Variants in CACNA1E observed in about 807,000 individuals in gnomAD.
CACNA1E encodes calcium voltage-gated channel subunit alpha1 E.
A neutral mutation model predicts 259.2 loss-of-function variants in CACNA1E; 40 were observed. The observed-to-expected ratio is 0.15, with a 90% confidence interval of 0.12 to 0.20. The LOEUF (loss-of-function observed/expected upper bound fraction) is 0.20. CACNA1E is among the 10% of genes least tolerant of loss of function. The probability of loss-of-function intolerance (pLI) is 1.00; values close to 1 mark genes in which losing one functional copy is unlikely to be tolerated. For synonymous variants in CACNA1E, 1,104 were observed against 1,138.5 expected (o/e 0.97, Z 0.61); for missense variants, 1,874 against 3,040.1 (o/e 0.62, Z 9.02).
intron 3 of CACNA1E, among the ~76,000 whole-genome samples, chr1:181,565,568 C>T (rs996238718): frequency 6.6e-6 from 1 of 152,226 alleles, no homozygotes; most frequent in Non-Finnish European, 1.5e-5. Flanking sequence ...CTTCCTGCCC[C>T]TGATCCTGTT....
At chr1:181,338,295 A>G (rs1334248409) in intron 1 of CACNA1E, among the ~76,000 whole-genome samples, 1 of 152,184 alleles carries the variant, frequency 6.6e-6, no homozygotes, top group Non-Finnish European at 1.5e-5. Context: ...CATGTTGGCC[A>G]GGCTGGTCTT....
chr1:181,448,415 G>A (rs762452464), intron 2 of CACNA1E, among the ~76,000 whole-genome samples: 2 of 152,198 alleles, frequency 1.3e-5, no homozygotes, highest in Non-Finnish European at 2.9e-5. Context: ...GCTAGTAAAC[G>A]TAGGAGTCAG....
chr1:181,620,181 G>A (rs1332044096), intron 6 of CACNA1E, among the ~76,000 whole-genome samples: 1 of 152,102 alleles, frequency 6.6e-6, no homozygotes, highest in African/African-American at 2.4e-5. Context: ...ATCCAAGATA[G>A]CCATGTAGAG....
At chr1:181,625,942 A>G (rs1656155634) in intron 6 of CACNA1E, among the ~76,000 whole-genome samples, 1 of 152,160 alleles carries the variant, frequency 6.6e-6, no homozygotes, top group Non-Finnish European at 1.5e-5. Context: ...TTTTAGGGTT[A>G]TTAACTGGCC....
At chr1:181,487,402 A>G (rs1231086937) in intron 1 of CACNA1E, among the ~76,000 whole-genome samples, 1 of 152,160 alleles carries the variant, frequency 6.6e-6, no homozygotes, top group Non-Finnish European at 1.5e-5. Flanking sequence ...AGAAATGCTC[A>G]AGATAACCCA....
intron 1 of CACNA1E, among the ~76,000 whole-genome samples, chr1:181,354,002 C>T (rs967335454): frequency 6.6e-6 from 1 of 152,212 alleles, no homozygotes; most frequent in African/African-American, 2.4e-5. Context: ...ACAGCCACTT[C>T]TCTGAGTGTG....
chr1:181,373,448 GT>G (rs934142811), intron 1 of CACNA1E, among the ~76,000 whole-genome samples: 2 of 151,440 alleles, frequency 1.3e-5, no homozygotes, highest in Non-Finnish European at 2.9e-5. Flanking sequence ...TCTCTGATGG[GT>G]TTTTTGTATT....
Position 181,711,039 on chromosome 1 carries a change from A to T in CACNA1E, c.1141A>T (p.Asn381Tyr). 6.2e-7 allele frequency: 1 copy of T among 1,613,832 alleles called. No homozygotes were observed. The highest frequency in any genetic ancestry group is 8.5e-7 in the Non-Finnish European group (1 of 1,179,770). The change falls in exon 8 of 48, where the codon AAT becomes TAT. Residue 381 changes from asparagine (N) to tyrosine (Y), a missense_variant. Asn to Tyr is a moderately radical substitution (Grantham distance 143). Around this residue, in one of 14 missense-constraint regions of CACNA1E, gnomAD observed 157 missense variants for 203.5 expected, o/e 0.77. Coordinates refer to ENST00000367573, the MANE Select transcript of CACNA1E (RefSeq NM_001205293.3). ...CCAGCAGCAGATTGAGCGTGAGCTG[A>T]ATGGCTACCGTGCCTGGATAGACAA... Reference protein sequence around the residue: ...RRQQQIERELNGYRAWIDKAE... With the variant: ...RRQQQIERELYGYRAWIDKAE...
In CACNA1E at chr1:181,401,488, C is replaced by T. The variant is rs1252033193; in HGVS notation, c.-14-11645C>T. Among the ~76,000 whole-genome samples the T allele has an allele frequency of 2.6e-5, 4 of 152,030 alleles. No individual in the cohort carries two copies. In the East Asian group the frequency reaches 7.7e-4, roughly 29 times the overall value. On this transcript the variant is annotated intron_variant, in intron 1 of 11. Coordinates refer to the CACNA1E transcript ENST00000524607. ...TGGGCAAGTAATAGGTGCTTATTGTCAATGTATTGAATAAGTAAATGGTTG... is the reference window on the plus strand; with the variant it reads ...TGGGCAAGTAATAGGTGCTTATTGTTAATGTATTGAATAAGTAAATGGTTG...
intron 39 of CACNA1E, among the ~76,000 whole-genome samples, chr1:181,781,862 T>C (rs1375064007): frequency 6.6e-6 from 1 of 152,170 alleles, no homozygotes; most frequent in Non-Finnish European, 1.5e-5. Flanking sequence ...TGGGATGGCA[T>C]ATATGGGCAA....
At chr1:181,705,149 C>T (rs1308007996) in intron 7 of CACNA1E, among the ~76,000 whole-genome samples, 4 of 152,338 alleles carry the variant, frequency 2.6e-5, no homozygotes, top group South Asian at 2.1e-4. Context: ...GTAGCAGTGG[C>T]TCCTTATAGG....
chr1:181,676,233 A>T (rs1649363218), intron 7 of CACNA1E, among the ~76,000 whole-genome samples: 1 of 152,150 alleles, frequency 6.6e-6, no homozygotes, highest in Non-Finnish European at 1.5e-5. Flanking sequence ...ACCATACTCA[A>T]ATTGGAAATG....
intron 11 of CACNA1E, 124 bp from the exon 12 acceptor site, chr1:181,717,931 G>C (rs1654056190): frequency 8.1e-6 from 5 of 617,810 alleles, no homozygotes; most frequent in African/African-American, 5.5e-5. Flanking sequence ...GCCCTGGCCT[G>C]ATGTGGCCAC....
At chr1:181,397,348 C>T (rs1030571293) in intron 1 of CACNA1E, among the ~76,000 whole-genome samples, 8 of 152,016 alleles carry the variant, frequency 5.3e-5, no homozygotes, top group South Asian at 2.1e-4. Flanking sequence ...ATTTCCAGGC[C>T]GGAGTGCAGT....
rs890626719 is a variant in CACNA1E, at chr1:181,758,646, C to T, written c.4495-112C>T. ...AGTCCATCTCTCCTCCTGTACCACA[C>T]ACCAGAGTGTCCCACAGGGCAGGAA... is the stretch of plus-strand genomic sequence containing the variant. On this transcript the variant is annotated intron_variant, in intron 31 of 47. Transcript: ENST00000367573. The surrounding 1 kb of genome is among the most constrained non-coding windows in gnomAD (Gnocchi z 4.2). 3.1e-6 allele frequency: 2 copies of T among 639,608 alleles called. No homozygotes were observed. The highest frequency in any genetic ancestry group is 1.8e-5 in the African/African-American group (1 of 55,216). The allele number at this position is 639,608 out of a possible 1,614,324, so 39.6% of individuals were successfully genotyped here.
At chr1:181,606,173 C>T (rs1025339444) in intron 6 of CACNA1E, among the ~76,000 whole-genome samples, 2 of 152,064 alleles carry the variant, frequency 1.3e-5, no homozygotes, top group African/African-American at 4.8e-5. Flanking sequence ...ATTTCCAGCC[C>T]AGAACTCTCT....
At chr1:181,792,918 A>G (rs555564541) in intron 44 of CACNA1E, among the ~76,000 whole-genome samples, 3 of 152,236 alleles carry the variant, frequency 2.0e-5, no homozygotes, top group Admixed American at 6.5e-5. Context: ...GTCCAAAACA[A>G]TAGCTCTTAG....
At chr1:181,522,068 C>T (rs988762803) in intron 3 of CACNA1E, among the ~76,000 whole-genome samples, 1 of 152,156 alleles carries the variant, frequency 6.6e-6, no homozygotes, top group African/African-American at 2.4e-5. Context: ...AGGAGAGGCA[C>T]GATGTTTGCA....
intron 2 of CACNA1E, among the ~76,000 whole-genome samples, chr1:181,471,747 TG>T (rs1185201853): frequency 3.9e-5 from 6 of 152,212 alleles, no homozygotes; most frequent in Non-Finnish European, 8.8e-5. Flanking sequence ...GAAATAAGTT[TG>T]TTTTTTTACA....
Sources: gnomAD v4.1 joint callset for allele counts (sites outside exome capture counted in the v4.1 genomes callset) on GRCh38, gnomAD v4.1.1 for gene constraint, gnomAD v4.1.1 regional missense constraint, Gnocchi (gnomAD v3.1) non-coding constraint, MANE v1.5 for transcripts, NCBI Gene and HGNC (gene_info 2026-07-23, HGNC 2026-07-21) for gene names.